The following THEMIS variants were observed in gnomAD, a reference collection of about 807,000 sequenced individuals.
THEMIS encodes the protein thymocyte selection associated.
Under a neutral mutation model 52.6 loss-of-function variants are expected in THEMIS, and 37 were observed. The ratio of observed to expected loss-of-function variants is 0.70; its 90% CI spans 0.54 to 0.93. The LOEUF (loss-of-function observed/expected upper bound fraction) is 0.93. THEMIS is among the 40% of genes least tolerant of loss of function. The probability of loss-of-function intolerance (pLI) is 0.00; values close to 1 mark genes in which losing one functional copy is unlikely to be tolerated. For missense variants in THEMIS, 808 were observed against 763.1 expected (o/e 1.06, Z -0.69); for synonymous variants, 292 against 272.7 (o/e 1.07, Z -0.70).
intron 4 of THEMIS, among the ~76,000 whole-genome samples, chr6:127,811,039 AAAAC>A (rs1384038631): frequency 1.3e-5 from 2 of 152,174 alleles, no homozygotes; most frequent in Non-Finnish European, 2.9e-5. Flanking sequence ...ATTTAAAGCA[AAAAC>A]AAACAAACAA....
intron 4 of THEMIS, among the ~76,000 whole-genome samples, chr6:127,776,372 A>C (rs1311830020): frequency 6.6e-6 from 1 of 152,180 alleles, no homozygotes; most frequent in Non-Finnish European, 1.5e-5. Flanking sequence ...TTATAAAATG[A>C]CTACAGCTTC....
At chr6:127,730,812 C>T (rs7776202) in intron 4 of THEMIS, among the ~76,000 whole-genome samples, 75,849 of 152,004 alleles carry the variant, frequency 0.5, 20,192 homozygotes, top group East Asian at 0.92. Flanking sequence ...AACTAAAGGG[C>T]CAGCTCAAGT....
At chr6:127,787,276 GCACACACA>G (rs142121636) in intron 4 of THEMIS, among the ~76,000 whole-genome samples, 2 of 149,174 alleles carry the variant, frequency 1.3e-5, no homozygotes, top group East Asian at 3.9e-4. Flanking sequence ...ATGTGTGCAC[GCACACACA>G]CACACACACA....
intron 1 of THEMIS, among the ~76,000 whole-genome samples, chr6:127,914,089 C>T (rs1781468730): frequency 2.0e-5 from 3 of 152,144 alleles, no homozygotes; most frequent in Non-Finnish European, 4.4e-5. Flanking sequence ...ACACCTTATA[C>T]ACATAACCTG....
At chr6:127,816,215 T>C (rs1164765506) in intron 3 of THEMIS, among the ~76,000 whole-genome samples, 3 of 152,042 alleles carry the variant, frequency 2.0e-5, no homozygotes, top group African/African-American at 7.2e-5. Context: ...TTCTTCTCCC[T>C]ATACACCACC....
At chr6:127,891,779 A>G (rs1458798998) in intron 1 of THEMIS, among the ~76,000 whole-genome samples, 1 of 152,034 alleles carries the variant, frequency 6.6e-6, no homozygotes, top group East Asian at 1.9e-4. Flanking sequence ...CTGCTGCTCA[A>G]ACTGGTCATT....
At chr6:127,868,123 A>C (rs1255482680) in intron 1 of THEMIS, among the ~76,000 whole-genome samples, 1 of 152,184 alleles carries the variant, frequency 6.6e-6, no homozygotes, top group East Asian at 1.9e-4. Context: ...AACATAAGGA[A>C]AATAATATTA....
intron 4 of THEMIS, 145 bp downstream of exon 4, chr6:127,812,738 C>G (rs1777952604): frequency 1.3e-6 from 1 of 775,704 alleles, no homozygotes; most frequent in African/African-American, 1.7e-5. Context: ...TGTTGATGTT[C>G]ATTCATCTAC....
intron 4 of THEMIS, among the ~76,000 whole-genome samples, chr6:127,750,528 T>C (rs1190937812): frequency 1.3e-5 from 2 of 151,808 alleles, no homozygotes; most frequent in Non-Finnish European, 2.9e-5. Context: ...GCATTATTAA[T>C]ACAAGAGCTA....
At chr6:127,849,941 T>C (rs559002834) in intron 2 of THEMIS, among the ~76,000 whole-genome samples, 23 of 151,468 alleles carry the variant, frequency 1.5e-4, no homozygotes, top group Admixed American at 5.9e-4. Context: ...AGCAGCAGAG[T>C]AAACAGACAA....
Position 127,858,742 on chromosome 6 carries a change from T to G in THEMIS, c.92-3554A>C. Among the ~76,000 whole-genome samples, 2 of 152,114 alleles carry G rather than the reference T, an allele frequency of 1.3e-5. 1 individual carries two copies. Among genetic ancestry groups the G allele is most frequent in the Non-Finnish European group, 2.9e-5 (2 of 68,010 alleles). On this transcript the variant is annotated intron_variant, in intron 1 of 5. Coordinates refer to ENST00000368248, the MANE Select transcript of THEMIS (RefSeq NM_001010923.3). ...CATTTCATTTTAACCATAAAACATG[T>G]ATTTTGAATAAGCAAATCTCGAATC...
intron 4 of THEMIS, among the ~76,000 whole-genome samples, chr6:127,793,256 A>T (rs1443051094): frequency 6.6e-6 from 1 of 152,200 alleles, no homozygotes; most frequent in African/African-American, 2.4e-5. Flanking sequence ...CATGAAGAGG[A>T]ATCTCAACAA....
At chr6:127,755,622 A>G (rs1225852566) in intron 4 of THEMIS, among the ~76,000 whole-genome samples, 1 of 152,216 alleles carries the variant, frequency 6.6e-6, no homozygotes, top group Non-Finnish European at 1.5e-5. Flanking sequence ...TCCATACTTT[A>G]GCAATTTTCA....
chr6:127,813,968 A>G (rs1321978985), intron 3 of THEMIS, 37 bp from the exon 4 acceptor site: 1 of 1,491,872 alleles, frequency 6.7e-7, no homozygotes, highest in Non-Finnish European at 8.9e-7. Flanking sequence ...ATATTTTTGT[A>G]CTTCAAAACG....
chr6:127,882,101 A>C (rs1215893825), intron 1 of THEMIS, among the ~76,000 whole-genome samples: 2 of 151,392 alleles, frequency 1.3e-5, no homozygotes, highest in Non-Finnish European at 3.0e-5. Context: ...CTTTGCATAG[A>C]CTCCCATACT....
intron 2 of THEMIS, among the ~76,000 whole-genome samples, chr6:127,847,913 T>TATC (rs1405318038): frequency 6.7e-6 from 1 of 149,414 alleles, no homozygotes; most frequent in African/African-American, 2.4e-5. Flanking sequence ...TTATTATTAT[T>TATC]ATTATCATTA....
intron 4 of THEMIS, among the ~76,000 whole-genome samples, chr6:127,782,874 A>T (rs1349304371): frequency 6.6e-6 from 1 of 152,220 alleles, no homozygotes; most frequent in African/African-American, 2.4e-5. Flanking sequence ...TCTTCACAGA[A>T]TTAGAAAAAA....
intron 1 of THEMIS, among the ~76,000 whole-genome samples, chr6:127,916,861 G>C (rs1351355188): frequency 6.6e-6 from 1 of 152,134 alleles, no homozygotes; most frequent in African/African-American, 2.4e-5. Flanking sequence ...CAAGCTATTA[G>C]GCTGGTGCAA....
chr6:127,905,404 A>T (rs1455812622), upstream of THEMIS, among the ~76,000 whole-genome samples: 4 of 152,058 alleles, frequency 2.6e-5, no homozygotes, highest in Non-Finnish European at 4.4e-5. Flanking sequence ...CCAGAGACGC[A>T]TGAAAGCAAC....
Sources: allele counts gnomAD v4.1 joint callset (sites outside exome capture counted in the v4.1 genomes callset), GRCh38; gene constraint gnomAD v4.1.1; transcripts MANE v1.5; gene names NCBI Gene and HGNC (gene_info 2026-07-23, HGNC 2026-07-21).